ACYP2: variants seen among roughly 807,000 people sequenced by gnomAD.
The protein encoded by ACYP2 is acylphosphatase-2.
In ACYP2, 12 loss-of-function variants were observed where a neutral mutation model predicts 11.2. That is an observed-to-expected ratio of 1.08 (90% CI 0.69 to 1.74). ACYP2 has a LOEUF of 1.74. ACYP2 is among the 40% of genes most tolerant of loss of function. The pLI, the probability that ACYP2 is intolerant of heterozygous loss-of-function variation, is 0.00. For missense variants in ACYP2, 134 were observed against 101.9 expected (o/e 1.31, Z -1.35); for synonymous variants, 43 against 32.2 (o/e 1.33, Z -1.13).
intron 6 of ACYP2, among the ~76,000 whole-genome samples, chr2:54,233,528 C>T (rs1686336812): frequency 6.6e-6 from 1 of 152,010 alleles, no homozygotes; most frequent in Non-Finnish European, 1.5e-5. Context: ...TGGTCTTGAA[C>T]TCCTGAGCTC....
chr2:54,015,016 C>T (rs946734608), intron 2 of ACYP2, among the ~76,000 whole-genome samples: 2 of 152,276 alleles, frequency 1.3e-5, no homozygotes, highest in South Asian at 2.1e-4. Context: ...TCTTTGGCTA[C>T]TCAAAGTGGG....
chr2:54,073,768 C>T (rs1677185794), intron 4 of ACYP2, among the ~76,000 whole-genome samples: 1 of 152,154 alleles, frequency 6.6e-6, no homozygotes, highest in Admixed American at 6.5e-5. Flanking sequence ...CCAATAAGCA[C>T]ATGAAAAGTT....
intron 6 of ACYP2, among the ~76,000 whole-genome samples, chr2:54,299,705 AC>A (rs550709021): frequency 6.6e-6 from 1 of 152,058 alleles, no homozygotes; most frequent in Non-Finnish European, 1.5e-5. Flanking sequence ...ACACTCCTTC[AC>A]CCACTCCGGG....
At chr2:54,208,260 C>G (rs1485844240) in intron 6 of ACYP2, among the ~76,000 whole-genome samples, 1 of 151,872 alleles carries the variant, frequency 6.6e-6, no homozygotes, top group Non-Finnish European at 1.5e-5. Context: ...TCCCTCCCCT[C>G]TTCTTCCCTC....
chr2:54,075,619 C>T (rs188497367), intron 4 of ACYP2, among the ~76,000 whole-genome samples: 3 of 151,952 alleles, frequency 2.0e-5, no homozygotes, highest in Non-Finnish European at 4.4e-5. Context: ...TAAAGACCAG[C>T]GTGGCCAATA....
At chr2:54,106,112 C>G (rs1679143332) in intron 4 of ACYP2, among the ~76,000 whole-genome samples, 3 of 152,138 alleles carry the variant, frequency 2.0e-5, no homozygotes, top group Non-Finnish European at 1.5e-5. Context: ...AGTTAATGTA[C>G]TATTCATGGA....
At chr2:54,142,162 T>A in intron 6 of ACYP2, 1 of 365,796 alleles carries the variant, frequency 2.7e-6, no homozygotes, top group Non-Finnish European at 4.9e-6. Context: ...AAATAAACTT[T>A]ATTTTTGAGA....
At chr2:54,112,273 G>C (rs954286106) in intron 4 of ACYP2, among the ~76,000 whole-genome samples, 1 of 152,116 alleles carries the variant, frequency 6.6e-6, no homozygotes, top group African/African-American at 2.4e-5. Context: ...GTAACACAAA[G>C]CCTAGTTATT....
At chr2:54,046,841 C>T (rs907020446) in intron 2 of ACYP2, among the ~76,000 whole-genome samples, 1 of 152,152 alleles carries the variant, frequency 6.6e-6, no homozygotes, top group Non-Finnish European at 1.5e-5. Flanking sequence ...AATTATATAG[C>T]CAATCCTAAT....
intron 2 of ACYP2, among the ~76,000 whole-genome samples, chr2:53,997,860 T>C (rs1292366103): frequency 6.6e-6 from 1 of 152,198 alleles, no homozygotes; most frequent in African/African-American, 2.4e-5. Flanking sequence ...TCCATGTGAC[T>C]GTTTCACGGA....
At chr2:54,134,081 C>T (rs1681082623) in intron 4 of ACYP2, among the ~76,000 whole-genome samples, 1 of 152,112 alleles carries the variant, frequency 6.6e-6, no homozygotes, top group Non-Finnish European at 1.5e-5. Context: ...ATAATGTAAT[C>T]TACACTATAG....
intron 6 of ACYP2, among the ~76,000 whole-genome samples, chr2:54,286,138 C>T (rs6723759): frequency 0.023 from 3,405 of 150,368 alleles, 188 homozygotes; most frequent in African/African-American, 0.082. Flanking sequence ...CAGGGCCAGG[C>T]GCAGTGGCCT....
At chr2:54,300,546 A>C (rs935269273) in intron 6 of ACYP2, among the ~76,000 whole-genome samples, 7 of 152,204 alleles carry the variant, frequency 4.6e-5, no homozygotes, top group African/African-American at 1.4e-4. Context: ...AGAGCTCCTT[A>C]AGTCTTGGCT....
chr2:53,972,167 G>A lies in ACYP2; in HGVS notation c.-37+846G>A, dbSNP rs530330598. Among the ~76,000 whole-genome samples, 5 of 151,060 alleles carry A rather than the reference G, an allele frequency of 3.3e-5. 1 individual carries two copies. The highest frequency in any genetic ancestry group is 4.2e-4 in the South Asian group (2 of 4,790). ...TACTAAAAATACAAAAAAGTTAGCC[G>A]GGCGTGGTGGCGGACGCCTGTAATC... On this transcript the variant is annotated intron_variant, in intron 1 of 6. Transcript: ENST00000607452.
chr2:54,143,767 G>GGT (rs1681747712), intron 6 of ACYP2, among the ~76,000 whole-genome samples: 1 of 108,288 alleles, frequency 9.2e-6, no homozygotes, highest in African/African-American at 3.5e-5. Context: ...TGGGGGGGGG[G>GGT]TATTCTATCA....
intron 4 of ACYP2, 155 bp from the exon 1 acceptor site, chr2:54,115,460 C>G: frequency 9.2e-7 from 1 of 1,082,860 alleles, no homozygotes. Flanking sequence ...GAAGAGAGGC[C>G]TAGGATGCCT....
At chr2:54,227,278 C>G (rs1686048795) in intron 6 of ACYP2, among the ~76,000 whole-genome samples, 1 of 152,152 alleles carries the variant, frequency 6.6e-6, no homozygotes, top group Non-Finnish European at 1.5e-5. Context: ...TTATTCGAGT[C>G]TTATTTTTAA....
intron 6 of ACYP2, among the ~76,000 whole-genome samples, chr2:54,233,604 C>G (rs1686339516): frequency 6.6e-6 from 1 of 152,106 alleles, no homozygotes; most frequent in Admixed American, 6.6e-5. Context: ...ACATGCCTGG[C>G]CCCAAACATT....
chr2:54,193,948 T>C (rs1684343782), intron 6 of ACYP2, among the ~76,000 whole-genome samples: 1 of 152,256 alleles, frequency 6.6e-6, no homozygotes, highest in Non-Finnish European at 1.5e-5. Flanking sequence ...GTGATTTTAT[T>C]TGTGCTGTGC....
Sources: gnomAD v4.1 joint callset for allele counts (sites outside exome capture counted in the v4.1 genomes callset) on GRCh38, gnomAD v4.1.1 for gene constraint, MANE v1.5 for transcripts, NCBI Gene and HGNC (gene_info 2026-07-23, HGNC 2026-07-21) for gene names.